LNX2: variants seen among roughly 807,000 people sequenced by gnomAD.
LNX2 encodes ligand of numb-protein X 2.
In LNX2, 35 loss-of-function variants were observed where a neutral mutation model predicts 66.2. That is an observed-to-expected ratio of 0.53 (90% CI 0.40 to 0.70). The LOEUF (loss-of-function observed/expected upper bound fraction) is 0.70, where lower values mean the gene tolerates loss of function less well. Ranked by LOEUF, LNX2 falls within the 30% of genes least tolerant of loss-of-function variation. The pLI is 0.00. For synonymous variants in LNX2, 337 were observed against 315.6 expected (o/e 1.07, Z -0.72); for missense variants, 791 against 850.8 (o/e 0.93, Z 0.87).
At chr13:27,578,096 A>G (rs927199049) in intron 2 of LNX2, among the ~76,000 whole-genome samples, 3 of 152,210 alleles carry the variant, frequency 2.0e-5, no homozygotes, top group Non-Finnish European at 2.9e-5. Context: ...TTTTATCTGT[A>G]GGAGAAAAAT....
chr13:27,583,240 G>GCCTCTCCAATATAAC (rs1955435582), intron 1 of LNX2, among the ~76,000 whole-genome samples: 14 of 22,654 alleles, frequency 6.2e-4, no homozygotes, highest in Admixed American at 9.4e-4. Context: ...GTGTGTGTGT[G>GCCTCTCCAATATAAC]TGTGTGTGTG....
At chr13:27,568,343 A>G (rs1289571454) in intron 3 of LNX2, among the ~76,000 whole-genome samples, 3 of 152,192 alleles carry the variant, frequency 2.0e-5, no homozygotes, top group Non-Finnish European at 4.4e-5. Context: ...TAGAGCTTGG[A>G]AAAAGAAAAT....
rs564908473 is a variant in LNX2 at position 27,610,186 on chromosome 13, C to T, written c.-101+10189G>A. Reference sequence around the variant, plus strand: ...TTAGTAGCAGAGGCACAGGATACAACCACATGCACTGTGATACCTGGCCTC... The same window carrying T: ...TTAGTAGCAGAGGCACAGGATACAATCACATGCACTGTGATACCTGGCCTC... On this transcript the variant is annotated intron_variant, in intron 1 of 9. Coordinates refer to ENST00000316334, the MANE Select transcript of LNX2 (RefSeq NM_153371.4). Among the ~76,000 whole-genome samples the T allele has an allele frequency of 3.9e-5, 6 of 152,312 alleles. No individual in the cohort carries two copies. In the South Asian group the frequency reaches 1.2e-3, roughly 32 times the overall value.
intron 2 of LNX2, among the ~76,000 whole-genome samples, chr13:27,573,997 A>C (rs1955315942): frequency 1.3e-5 from 2 of 152,116 alleles, no homozygotes; most frequent in Admixed American, 1.3e-4. Context: ...TCAGACAATA[A>C]CTTACATCAG....
chr13:27,617,417 G>C (rs1955838881), intron 1 of LNX2, among the ~76,000 whole-genome samples: 1 of 152,160 alleles, frequency 6.6e-6, no homozygotes. Flanking sequence ...CTCTAGCCCT[G>C]TAAGCAGGAA....
chr13:27,562,451 T>G lies in LNX2; in HGVS notation c.1186A>C (p.Lys396Gln). ...GCAGCAAGCTCCGGAGTTCCATACT[T>G]CAGGTCGTGCCCATTGATGGCCAGC... is the stretch of plus-strand genomic sequence containing the variant. The part of the protein sequence containing the change: ...RVLAINGHDL[K>Q]YGTPELAAQI... Residue 396 changes from lysine (K) to glutamine (Q), a missense_variant, in exon 5 of 10, where the codon AAG (lysine) becomes CAG (glutamine). Coordinates refer to ENST00000316334, the MANE Select transcript of LNX2 (RefSeq NM_153371.4). The G allele has an allele frequency of 6.2e-7, 1 of 1,614,134 alleles. No homozygotes were observed. Among genetic ancestry groups the G allele is most frequent in the Non-Finnish European group, 8.5e-7 (1 of 1,179,984 alleles).
intron 1 of LNX2, among the ~76,000 whole-genome samples, chr13:27,608,308 CT>C (rs147784849): frequency 4.0e-4 from 61 of 152,320 alleles, no homozygotes; most frequent in African/African-American, 1.2e-3. Flanking sequence ...AGTAATCATA[CT>C]GAAATTATAA....
chr13:27,579,107 C>T (rs757397796), intron 2 of LNX2, among the ~76,000 whole-genome samples: 1 of 152,172 alleles, frequency 6.6e-6, no homozygotes, highest in Non-Finnish European at 1.5e-5. Context: ...GACTACCTAA[C>T]ACCTAGAAAA....
Position 27,610,957 on chromosome 13 carries a change from T to C in LNX2, c.-101+9418A>G, listed in dbSNP as rs373423063. Among the ~76,000 whole-genome samples, 5 of 151,812 alleles carry C rather than the reference T, an allele frequency of 3.3e-5. No homozygotes were observed. In the South Asian group the frequency reaches 1.0e-3, roughly 31 times the overall value. ...TACTATTAAAACAGAAAAGAACAAGTGTTGGTGAGAACATAGAGCATGTAG... is the reference window on the plus strand; with the variant it reads ...TACTATTAAAACAGAAAAGAACAAGCGTTGGTGAGAACATAGAGCATGTAG... On this transcript the variant is annotated intron_variant, in intron 1 of 9. Coordinates refer to ENST00000316334, the MANE Select transcript of LNX2 (RefSeq NM_153371.4).
chr13:27,594,795 C>T (rs1955579510), intron 1 of LNX2, among the ~76,000 whole-genome samples: 1 of 152,288 alleles, frequency 6.6e-6, no homozygotes, highest in East Asian at 1.9e-4. Flanking sequence ...CATACCTAGG[C>T]ACCAAGTTCC....
intron 3 of LNX2, among the ~76,000 whole-genome samples, chr13:27,568,582 CAA>C (rs1309912710): frequency 1.3e-5 from 2 of 151,368 alleles, no homozygotes; most frequent in Non-Finnish European, 3.0e-5. Context: ...AAAAAAAAAA[CAA>C]AAACCCAAAC....
chr13:27,587,818 A>T (rs189672610), intron 1 of LNX2, among the ~76,000 whole-genome samples: 2 of 152,032 alleles, frequency 1.3e-5, no homozygotes, highest in Admixed American at 6.5e-5. Flanking sequence ...TCAGGAGATC[A>T]AGACCATCCT....
Position 27,583,261 on chromosome 13 carries a change from C to CGCGCGCGCGCGCGT in LNX2, c.-100-1459_-100-1458insACGCGCGCGCGCGC, listed in dbSNP as rs11281345. On this transcript the variant is annotated intron_variant, in intron 1 of 9. Coordinates refer to ENST00000316334, the MANE Select transcript of LNX2 (RefSeq NM_153371.4). ...GTGTGTGTGTGTGTGTGTGTGCGCGCGTCCTCTCCAACATACTTATTTTTA... is the reference window on the plus strand; with the variant it reads ...GTGTGTGTGTGTGTGTGTGTGCGCGCGCGCGCGCGCGCGTGTCCTCTCCAACATACTTATTTTTA... Among the ~76,000 whole-genome samples the CGCGCGCGCGCGCGT allele has an allele frequency of 8.7e-3, 395 of 45,454 alleles. 110 individuals carry two copies. The highest frequency in any genetic ancestry group is 0.013 in the South Asian group (16 of 1,244). 29.8% of individuals were successfully genotyped at this position (45,454 alleles called of 152,430 possible).
chr13:27,617,324 T>C, intron 1 of LNX2, among the ~76,000 whole-genome samples: 1 of 152,204 alleles, frequency 6.6e-6, no homozygotes. Context: ...GCTTCCTAAA[T>C]AGAGGAGAAC....
At chr13:27,585,536 C>T (rs971909371) in intron 1 of LNX2, among the ~76,000 whole-genome samples, 9 of 152,072 alleles carry the variant, frequency 5.9e-5, no homozygotes, top group African/African-American at 1.9e-4. Flanking sequence ...AAACATTTCT[C>T]GCATTTTATA....
chr13:27,576,421 A>T (rs1021624006), intron 2 of LNX2, among the ~76,000 whole-genome samples: 7 of 152,114 alleles, frequency 4.6e-5, no homozygotes, highest in Admixed American at 3.9e-4. Flanking sequence ...AGGCCATTTT[A>T]AAAAAGGCCT....
chr13:27,604,645 T>C (rs948655673), intron 1 of LNX2, among the ~76,000 whole-genome samples: 2 of 152,110 alleles, frequency 1.3e-5, no homozygotes, highest in African/African-American at 2.4e-5. Flanking sequence ...CGAATATCTA[T>C]TACCAAATGT....
intron 2 of LNX2, among the ~76,000 whole-genome samples, chr13:27,573,441 G>GT (rs1469608760): frequency 1.1e-5 from 1 of 87,890 alleles, no homozygotes; most frequent in Non-Finnish European, 2.3e-5. Context: ...TTAAGCATTG[G>GT]TTAAAAAAAA....
At position 27,559,895 on chromosome 13, in the gene LNX2, T is replaced by G; in HGVS notation, c.1315A>C (p.Ser439Arg). 2 of 1,611,714 alleles carry G rather than the reference T, an allele frequency of 1.2e-6. No homozygotes were observed. Among genetic ancestry groups the G allele is most frequent in the Non-Finnish European group, 1.7e-6 (2 of 1,178,288 alleles). ...GGTGGTGGTGTGTGGTGCTGGCTGC[T>G]GCTGCTATGATTTCCTGCTTCTCTA... ...TIREAGNHSS[S>R]SQHHTPPPYY... The change falls in exon 6 of 10, where the codon AGC becomes CGC. Residue 439 changes from serine to arginine, a missense_variant. Transcript: ENST00000316334.
Sources: gnomAD v4.1 joint callset for allele counts (sites outside exome capture counted in the v4.1 genomes callset) on GRCh38, gnomAD v4.1.1 for gene constraint, MANE v1.5 for transcripts, NCBI Gene and HGNC (gene_info 2026-07-23, HGNC 2026-07-21) for gene names.